SKP1: variants seen among roughly 807,000 people sequenced by gnomAD.
The protein encoded by SKP1 is S-phase kinase-associated protein 1.
SKP1 carries 1 observed loss-of-function variant against 21.5 expected under a neutral mutation model. The ratio of observed to expected loss-of-function variants is 0.05; its 90% CI spans 0.02 to 0.22. SKP1 has a LOEUF of 0.22. SKP1 is among the 10% of genes least tolerant of loss of function. The pLI is 1.00. For synonymous variants in SKP1, 59 were observed against 59.3 expected, an observed-to-expected ratio of 0.99 and a Z score of 0.03; for missense variants, 70 against 192.0, an observed-to-expected ratio of 0.36 and a Z score of 3.76.
intron 3 of SKP1, among the ~76,000 whole-genome samples, chr5:134,162,329 C>G (rs1395184629): frequency 5.9e-5 from 9 of 152,152 alleles, no homozygotes; most frequent in Admixed American, 3.9e-4. Flanking sequence ...TGAACTCAAG[C>G]AATTCACCCA....
rs894412981 is a variant in SKP1 at position 134,153,664 on chromosome 5, G to A, written c.*4069C>T. On this transcript the variant is annotated 3_prime_UTR_variant, in exon 6 of 6. Transcript: ENST00000353411. ...CTCTCTCAATTTTCTCTTTTCTGGT[G>A]GAAAATCACCTTATATTCCCAAACT... The A allele has an allele frequency of 2.0e-5, 3 of 152,150 alleles. No individual in the cohort carries two copies. The East Asian group carries it at 5.8e-4, about 29-fold the overall frequency. 9.4% of individuals were successfully genotyped at this position (152,150 alleles called of 1,614,324 possible).
At position 134,150,607 on chromosome 5, in the gene SKP1, G is replaced by T. The variant is rs551439139; in HGVS notation, c.*7126C>A. 1.3e-5 allele frequency: 2 copies of T among 152,162 alleles called. No individual in the cohort carries two copies. Among genetic ancestry groups the T allele is most frequent in the Non-Finnish European group, 2.9e-5 (2 of 68,040 alleles). The allele number at this position is 152,162 out of a possible 1,614,324, so 9.4% of individuals were successfully genotyped here. Reference sequence around the variant, plus strand: ...AGGTTCTTTGAGAGTCCTTAACTGCGACTCTCAGATCTCTTCAGAGCATTT... The same window carrying T: ...AGGTTCTTTGAGAGTCCTTAACTGCTACTCTCAGATCTCTTCAGAGCATTT... On this transcript the variant is annotated 3_prime_UTR_variant, in exon 6 of 6. Coordinates refer to ENST00000353411, the MANE Select transcript of SKP1 (RefSeq NM_170679.3).
In SKP1 at chr5:134,152,963, G is replaced by A. The variant is rs1761064536; in HGVS notation, c.*4770C>T. The A allele has an allele frequency of 6.6e-6, 1 of 152,232 alleles. No homozygotes were observed. Among genetic ancestry groups the A allele is most frequent in the Admixed American group, 6.5e-5 (1 of 15,284 alleles). The allele number at this position is 152,232 out of a possible 1,614,324, so 9.4% of individuals were successfully genotyped here. Reference sequence around the variant, plus strand: ...CATGTCTAATGCTTCCTACCAAGGAGAAGCCAGGAGCTACACTTTAAGGAT... The same window carrying A: ...CATGTCTAATGCTTCCTACCAAGGAAAAGCCAGGAGCTACACTTTAAGGAT... On this transcript the variant is annotated 3_prime_UTR_variant, in exon 6 of 6. Coordinates refer to ENST00000353411, the MANE Select transcript of SKP1 (RefSeq NM_170679.3).
intron 3 of SKP1, among the ~76,000 whole-genome samples, chr5:134,164,044 G>C (rs1761278010): frequency 6.6e-6 from 1 of 152,112 alleles, no homozygotes; most frequent in African/African-American, 2.4e-5. Context: ...TCTTCGGCCA[G>C]GGATGGTGAC....
rs1580921442 is a variant in SKP1 at position 134,151,180 on chromosome 5, C to CG, written c.*6552_*6553insC. ...ATTCACCAGGGGCTCTGGACCAAGT[C>CG]TTCCTTTTTCATTCAAGTGTTCTCA... On this transcript the variant is annotated 3_prime_UTR_variant, in exon 6 of 6. Coordinates refer to ENST00000353411, the MANE Select transcript of SKP1 (RefSeq NM_170679.3). The CG allele has an allele frequency of 3.3e-5, 5 of 152,564 alleles. No individual in the cohort carries two copies. The highest frequency in any genetic ancestry group is 1.2e-4 in the African/African-American group (5 of 41,556). The allele number at this position is 152,564 out of a possible 1,614,324, so 9.5% of individuals were successfully genotyped here.
intron 4 of SKP1, among the ~76,000 whole-genome samples, chr5:134,160,512 T>C (rs934456822): frequency 3.9e-5 from 6 of 152,226 alleles, no homozygotes; most frequent in African/African-American, 1.4e-4. Context: ...CTTTGAGTTC[T>C]ATTGGGTTTT....
intron 5 of SKP1, 173 bp downstream of exon 5, chr5:134,158,282 G>A: frequency 2.0e-6 from 3 of 1,494,554 alleles, no homozygotes; most frequent in Non-Finnish European, 2.7e-6. Flanking sequence ...TATCATCTAA[G>A]TGTTCAGATT....
Position 134,150,704 on chromosome 5 carries a change from T to C in SKP1, c.*7029A>G, listed in dbSNP as rs188627242. 2 of 152,296 alleles carry C rather than the reference T, an allele frequency of 1.3e-5. No homozygotes were observed. The highest frequency in any genetic ancestry group is 1.5e-5 in the Non-Finnish European group (1 of 68,022). 9.4% of individuals were successfully genotyped at this position (152,296 alleles called of 1,614,324 possible). A position where few individuals can be genotyped will look rare whatever the true frequency, so the allele number is the denominator to read the frequency against. On this transcript the variant is annotated 3_prime_UTR_variant, in exon 6 of 6. Coordinates refer to ENST00000353411, the MANE Select transcript of SKP1 (RefSeq NM_170679.3). ...AGCTGCCCACCCAAGCAGACCCTGG[T>C]TGTGTCAACTCCCCCAATCCCAACT...
chr5:134,155,959 A>AT lies in SKP1; in HGVS notation c.*1773dup, dbSNP rs549471076. 5,264 of 140,740 alleles carry AT rather than the reference A, an allele frequency of 0.037. 103 individuals are homozygous for AT. The highest frequency in any genetic ancestry group is 0.048 in the African/African-American group (1,844 of 38,440). 8.7% of individuals were successfully genotyped at this position (140,740 alleles called of 1,614,324 possible). A position where few individuals can be genotyped will look rare whatever the true frequency, so the allele number is the denominator to read the frequency against. On this transcript the variant is annotated 3_prime_UTR_variant, in exon 6 of 6. Coordinates refer to ENST00000353411, the MANE Select transcript of SKP1 (RefSeq NM_170679.3). Reference sequence around the variant, plus strand: ...ATAGGCATGCACCATATGACTGCTAATTTTTTTTTTTTTTTTTGGAGAGAC... The same window carrying AT: ...ATAGGCATGCACCATATGACTGCTAATTTTTTTTTTTTTTTTTTGGAGAGAC...
At chr5:134,170,083 T>C (rs1472866542) in intron 2 of SKP1, among the ~76,000 whole-genome samples, 11 of 151,544 alleles carry the variant, frequency 7.3e-5, no homozygotes, top group Middle Eastern at 3.4e-3. Flanking sequence ...GCAGGGGAAT[T>C]GCTTGAACCC....
intron 5 of SKP1, chr5:134,158,082 C>T: frequency 7.0e-7 from 1 of 1,424,860 alleles, no homozygotes; most frequent in African/African-American, 1.4e-5. Context: ...CTGATCTATT[C>T]TTTCATTTCC....
rs55637997 is a variant in SKP1 at position 134,164,322 on chromosome 5, G to GAAAAAAAA, written c.171+2840_171+2847dup. 1.2e-4 allele frequency among the ~76,000 whole-genome samples: 15 copies of GAAAAAAAA among 122,120 alleles called. 1 individual carries two copies. Among genetic ancestry groups the GAAAAAAAA allele is most frequent in the African/African-American group, 4.1e-4 (13 of 31,586 alleles). 80.1% of individuals were successfully genotyped at this position (122,120 alleles called of 152,430 possible). On this transcript the variant is annotated intron_variant, in intron 3 of 5. Coordinates refer to ENST00000353411, the MANE Select transcript of SKP1 (RefSeq NM_170679.3). ...CAACAAGAGCAAAACTCCATCTCAA[G>GAAAAAAAA]AAAAAAAAAAAAAAAAAAAAAAAAA...
intron 3 of SKP1, among the ~76,000 whole-genome samples, chr5:134,165,965 G>A (rs974022754): frequency 6.6e-6 from 1 of 152,004 alleles, no homozygotes; most frequent in East Asian, 1.9e-4. Context: ...GGCCAAGGCA[G>A]GGAGATCGTC....
Position 134,158,544 on chromosome 5 carries a change from C to G in SKP1, c.367G>C (p.Val123Leu). 6.2e-7 allele frequency: 1 copy of G among 1,613,554 alleles called. No individual in the cohort carries two copies. Among genetic ancestry groups the G allele is most frequent in the Non-Finnish European group, 8.5e-7 (1 of 1,179,580 alleles). Reference sequence around the variant, plus strand: ...GTTTTCCCCTTGATCATATTGGCAACAGTCTTGCATGTAACATCAAGCAAA... The same window carrying G: ...GTTTTCCCCTTGATCATATTGGCAAGAGTCTTGCATGTAACATCAAGCAAA... ...KGLLDVTCKT[V>L]ANMIKGKTPE... The change falls in exon 5 of 6, where the codon GTT (valine) becomes CTT (leucine). Residue 123 changes from valine to leucine, a missense_variant. Coordinates refer to ENST00000353411, the MANE Select transcript of SKP1 (RefSeq NM_170679.3).
chr5:134,173,581 G>C (rs975927231), intron 2 of SKP1: 8 of 387,328 alleles, frequency 2.1e-5, no homozygotes, highest in Admixed American at 1.0e-4. Context: ...CACCATTATA[G>C]GACGGTATCT....
intron 3 of SKP1, among the ~76,000 whole-genome samples, chr5:134,164,322 G>GAAAAAAAAAAAAAA (rs55637997): frequency 8.2e-6 from 1 of 122,128 alleles, no homozygotes. Context: ...TCCATCTCAA[G>GAAAAAAAAAAAAAA]AAAAAAAAAA....
intron 5 of SKP1, chr5:134,158,030 A>T: frequency 6.8e-7 from 1 of 1,478,714 alleles, no homozygotes; most frequent in Non-Finnish European, 9.0e-7. Flanking sequence ...CAGTTAATTC[A>T]TTCACATTAT....
chr5:134,163,373 G>A (rs1044885517), intron 3 of SKP1, among the ~76,000 whole-genome samples: 5 of 151,718 alleles, frequency 3.3e-5, no homozygotes, highest in African/African-American at 1.2e-4. Flanking sequence ...TTTGTGGGGG[G>A]AGCAGTTTCC....
At chr5:134,159,122 TTTC>T (rs1245855056) in intron 4 of SKP1, among the ~76,000 whole-genome samples, 2 of 152,160 alleles carry the variant, frequency 1.3e-5, no homozygotes, top group Non-Finnish European at 2.9e-5. Flanking sequence ...ATTTGAAACT[TTTC>T]TTCTTTTCTA....
Sources: gnomAD v4.1 joint callset for allele counts (sites outside exome capture counted in the v4.1 genomes callset) on GRCh38, gnomAD v4.1.1 for gene constraint, MANE v1.5 for transcripts, NCBI Gene and HGNC (gene_info 2026-07-23, HGNC 2026-07-21) for gene names.